Variants in NBAS observed in about 807,000 individuals in gnomAD.
The protein encoded by NBAS is NAG/BC035112 fusion.
NBAS carries 219 observed loss-of-function variants against 302.5 expected under a neutral mutation model. The observed-to-expected ratio is 0.72, with a 90% CI of 0.65 to 0.81. The LOEUF is 0.81. Ranked by LOEUF, NBAS falls within the 30% of genes least tolerant of loss-of-function variation. The probability of loss-of-function intolerance (pLI) is 0.00; values close to 1 mark genes in which losing one functional copy is unlikely to be tolerated. For missense variants in NBAS, 2,932 were observed against 2,841.6 expected, an observed-to-expected ratio of 1.03 and a Z score of -0.72; for synonymous variants, 1,118 against 1,021.6, an observed-to-expected ratio of 1.09 and a Z score of -1.80.
the NBAS span, among the ~76,000 whole-genome samples, chr2:14,809,193 T>C: frequency 6.6e-6 from 1 of 152,218 alleles, no homozygotes; most frequent in Admixed American, 6.5e-5. Context: ...TTCAAGCTGG[T>C]TGCAGAAATT....
chr2:15,243,275 T>C (rs1667941710), intron 44 of NBAS, among the ~76,000 whole-genome samples: 1 of 152,150 alleles, frequency 6.6e-6, no homozygotes, highest in South Asian at 2.1e-4. Context: ...AGAAGTGACA[T>C]ATACCATTTC....
chr2:14,843,244 C>A, the NBAS span, among the ~76,000 whole-genome samples: 1 of 152,126 alleles, frequency 6.6e-6, no homozygotes, highest in African/African-American at 2.4e-5. Context: ...AGCCTTTTCT[C>A]TAAGATCCGG....
the NBAS span, among the ~76,000 whole-genome samples, chr2:14,930,472 T>C: frequency 6.6e-6 from 1 of 152,204 alleles, no homozygotes; most frequent in Non-Finnish European, 1.5e-5. Context: ...CTGCAAAAGC[T>C]ATAGGCTCTG....
At chr2:14,941,873 C>A in the NBAS span, among the ~76,000 whole-genome samples, 1 of 152,018 alleles carries the variant, frequency 6.6e-6, no homozygotes, top group Non-Finnish European at 1.5e-5. Context: ...AACATAATAC[C>A]CACAGAGAAA....
chr2:14,964,737 G>A, the NBAS span, among the ~76,000 whole-genome samples: 1 of 152,050 alleles, frequency 6.6e-6, no homozygotes, highest in East Asian at 1.9e-4. Context: ...GGCACAATAT[G>A]CACATTTTAA....
chr2:14,900,546 C>A, the NBAS span, among the ~76,000 whole-genome samples: 1 of 152,152 alleles, frequency 6.6e-6, no homozygotes, highest in Non-Finnish European at 1.5e-5. Flanking sequence ...GAAACCTTCC[C>A]AAATCTCCGC....
the NBAS span, among the ~76,000 whole-genome samples, chr2:15,053,096 T>A: frequency 1.7e-3 from 256 of 152,344 alleles, 1 homozygote; most frequent in South Asian, 3.3e-3. Context: ...GCATTTTTGC[T>A]ATAAAATGTC....
At chr2:15,163,164 C>G (rs1663934559), downstream of NBAS, among the ~76,000 whole-genome samples, 1 of 152,146 alleles carries the variant, frequency 6.6e-6, no homozygotes, top group African/African-American at 2.4e-5. Flanking sequence ...TGGGTCCCTT[C>G]TTTTTAAAGC....
Position 15,238,704 on chromosome 2 carries a change from TG to T in NBAS, c.5725-19del, listed in dbSNP as rs1667721988. On this transcript the variant is annotated intron_variant, in intron 44 of 51. Transcript: ENST00000281513. Reference sequence around the variant, plus strand: ...ACAGACAGCTTAAAAAAAAGAATAGTGAGACCAAAGAACCCTGCATTATTAC... The same window carrying T: ...ACAGACAGCTTAAAAAAAAGAATAGTAGACCAAAGAACCCTGCATTATTAC... 6.7e-6 allele frequency: 3 copies of T among 447,474 alleles called. No homozygotes were observed. The highest frequency in any genetic ancestry group is 2.6e-5 in the African/African-American group (1 of 38,796). The allele number at this position is 447,474 out of a possible 1,614,324, so 27.7% of individuals were successfully genotyped here. A position where few individuals can be genotyped will look rare whatever the true frequency, so the allele number is the denominator to read the frequency against.
chr2:15,132,237 A>G, the NBAS span, among the ~76,000 whole-genome samples: 2 of 152,224 alleles, frequency 1.3e-5, no homozygotes, highest in Non-Finnish European at 2.9e-5. Context: ...ATGGAATGTT[A>G]TTCAGTGCTA....
At chr2:14,839,382 T>C in the NBAS span, among the ~76,000 whole-genome samples, 1 of 151,948 alleles carries the variant, frequency 6.6e-6, no homozygotes, top group African/African-American at 2.4e-5. Flanking sequence ...TGGCAGGAGA[T>C]CAGTCCTTAC....
chr2:15,443,057 C>T (rs1678519722), intron 21 of NBAS, among the ~76,000 whole-genome samples: 2 of 151,512 alleles, frequency 1.3e-5, no homozygotes, highest in East Asian at 1.9e-4. Flanking sequence ...GATTCACAGC[C>T]GAATTCTACC....
chr2:14,876,575 A>G, the NBAS span, among the ~76,000 whole-genome samples: 1 of 152,218 alleles, frequency 6.6e-6, no homozygotes, highest in Non-Finnish European at 1.5e-5. Context: ...ATTCCTGTGT[A>G]TACTTTGTGT....
the NBAS span, among the ~76,000 whole-genome samples, chr2:15,085,554 AG>A: frequency 1.1e-4 from 17 of 152,102 alleles, no homozygotes; most frequent in African/African-American, 4.1e-4. Context: ...CCAGGCTGTG[AG>A]GGGGCATGGC....
chr2:15,398,799 G>C (rs527357012), intron 26 of NBAS, among the ~76,000 whole-genome samples: 2 of 152,260 alleles, frequency 1.3e-5, no homozygotes, highest in African/African-American at 4.8e-5. Flanking sequence ...AGGCTAATTT[G>C]TAATTATAAT....
At chr2:15,217,142 T>TA (rs1164128739) in intron 48 of NBAS, among the ~76,000 whole-genome samples, 5 of 152,156 alleles carry the variant, frequency 3.3e-5, no homozygotes, top group Admixed American at 1.3e-4. Flanking sequence ...GCCTGCTCTT[T>TA]AAAAAAACAC....
chr2:15,480,355 T>C (rs1367110919), intron 12 of NBAS, among the ~76,000 whole-genome samples: 1 of 142,196 alleles, frequency 7.0e-6, no homozygotes, highest in African/African-American at 2.6e-5. Context: ...AAAATGAAAA[T>C]AAATAAATGC....
chr2:15,411,594 A>G (rs2148450861), intron 25 of NBAS, among the ~76,000 whole-genome samples: 1 of 152,284 alleles, frequency 6.6e-6, no homozygotes, highest in South Asian at 2.1e-4. Context: ...GGTCATGTTC[A>G]AACTAAAATT....
chr2:15,275,518 T>G lies in NBAS; in HGVS notation c.5690A>C (p.Asp1897Ala). 1.2e-6 allele frequency: 2 copies of G among 1,614,078 alleles called. No individual in the cohort carries two copies. The highest frequency in any genetic ancestry group is 1.7e-6 in the Non-Finnish European group (2 of 1,180,020). The change falls in exon 44 of 52, where the codon GAT becomes GCT. Residue 1897 changes from aspartate (D) to alanine (A), a missense_variant. Asp to Ala is a moderately radical substitution (Grantham distance 126). Transcript: ENST00000281513. ...AGCTTTTGGAGAAAATGTAACTGCA[T>G]CTACCACAGTGATGAGGTCACCTGG... ...LHPGDLITVV[D>A]AVTFSPKAVT...
Sources: allele counts gnomAD v4.1 joint callset (sites outside exome capture counted in the v4.1 genomes callset), GRCh38; gene constraint gnomAD v4.1.1; transcripts MANE v1.5; gene names NCBI Gene and HGNC (gene_info 2026-07-23, HGNC 2026-07-21).